The following TSPAN12 variants were observed in gnomAD, a reference collection of about 807,000 sequenced individuals.
TSPAN12 encodes the protein tetraspanin-12.
Under a neutral mutation model 39.2 loss-of-function variants are expected in TSPAN12, and 19 were observed. That is an observed-to-expected ratio of 0.49 (90% confidence interval 0.34 to 0.71). The LOEUF is 0.71. Ranked by LOEUF, TSPAN12 falls within the 30% of genes least tolerant of loss-of-function variation. The probability of loss-of-function intolerance (pLI) is 0.01; values close to 1 mark genes in which losing one functional copy is unlikely to be tolerated. For synonymous variants in TSPAN12, 119 were observed against 124.8 expected (o/e 0.95, Z 0.31); for missense variants, 314 against 359.9 (o/e 0.87, Z 1.03).
At chr7:120,825,652 G>A (rs1450718910) in intron 4 of TSPAN12, among the ~76,000 whole-genome samples, 3 of 151,992 alleles carry the variant, frequency 2.0e-5, no homozygotes, top group Admixed American at 6.6e-5. Context: ...TTCCTTTCCC[G>A]GTGATTGGAG....
At chr7:120,791,881 T>C (rs1793530986) in intron 7 of TSPAN12, among the ~76,000 whole-genome samples, 1 of 152,098 alleles carries the variant, frequency 6.6e-6, no homozygotes. Flanking sequence ...TATTATCTTT[T>C]AAAAACATGG....
chr7:120,818,834 C>T (rs1260033028), intron 4 of TSPAN12, among the ~76,000 whole-genome samples: 1 of 151,934 alleles, frequency 6.6e-6, no homozygotes, highest in Admixed American at 6.6e-5. Flanking sequence ...TATTTCTAGG[C>T]CTTACTTTAA....
intron 3 of TSPAN12, 76 bp downstream of exon 3, chr7:120,839,951 C>G: frequency 8.2e-7 from 1 of 1,218,610 alleles, no homozygotes; most frequent in South Asian, 1.2e-5. Context: ...AGGAAGAGCA[C>G]TACCATATAA....
intron 7 of TSPAN12, among the ~76,000 whole-genome samples, chr7:120,797,081 T>C (rs1793647187): frequency 6.6e-6 from 1 of 152,112 alleles, no homozygotes; most frequent in African/African-American, 2.4e-5. Context: ...GGCGTGAACC[T>C]GAGAGGCGGA....
chr7:120,788,922 ATTACT>A, intron 7 of TSPAN12, 25 bp from the exon 8 acceptor site: 1 of 1,612,584 alleles, frequency 6.2e-7, no homozygotes, highest in Non-Finnish European at 8.5e-7. Context: ...CATGGTCAAC[ATTACT>A]TTAGATATGT....
intron 2 of TSPAN12, among the ~76,000 whole-genome samples, chr7:120,841,223 A>C (rs527364841): frequency 6.6e-6 from 1 of 152,324 alleles, no homozygotes; most frequent in East Asian, 1.9e-4. Context: ...AGCACACAGA[A>C]ATTCCTATGA....
At chr7:120,832,587 T>C (rs1403011579) in intron 4 of TSPAN12, among the ~76,000 whole-genome samples, 1 of 152,140 alleles carries the variant, frequency 6.6e-6, no homozygotes, top group Non-Finnish European at 1.5e-5. Context: ...GAAATCTCCA[T>C]TTGCTCCTGA....
chr7:120,833,052 T>C (rs554692631), intron 4 of TSPAN12, among the ~76,000 whole-genome samples: 2 of 152,242 alleles, frequency 1.3e-5, no homozygotes, highest in African/African-American at 4.8e-5. Context: ...AACTACCAGC[T>C]GTGTATCTTT....
intron 7 of TSPAN12, among the ~76,000 whole-genome samples, chr7:120,796,589 G>A (rs1793635659): frequency 6.6e-6 from 1 of 152,054 alleles, no homozygotes; most frequent in Admixed American, 6.5e-5. Flanking sequence ...AGGGAATTGG[G>A]ATGTAGAAGA....
rs1214052791 is a variant in TSPAN12 at position 120,788,066 on chromosome 7, G to T, written c.*526C>A. The T allele has an allele frequency of 6.1e-6, 1 of 164,684 alleles. No individual in the cohort carries two copies. Among genetic ancestry groups the T allele is most frequent in the African/African-American group, 2.4e-5 (1 of 41,642 alleles). 10.2% of individuals were successfully genotyped at this position (164,684 alleles called of 1,614,324 possible). On this transcript the variant is annotated 3_prime_UTR_variant, in exon 8 of 8. Transcript: ENST00000222747. ...TCTTTTAAGTGGTAAGAATATTTTA[G>T]TAACCAGCAAAAATCACATTTAGGT... is the stretch of plus-strand genomic sequence containing the variant.
In TSPAN12 at chr7:120,806,536, T is replaced by C. The variant is rs1249632188; in HGVS notation, c.612+13A>G. ...ACATTTATCCATAATAAATTAACCATATATGGCCTCACCTCTTGATAAAGG... is the reference window on the plus strand; with the variant it reads ...ACATTTATCCATAATAAATTAACCACATATGGCCTCACCTCTTGATAAAGG... On this transcript the variant is annotated intron_variant, in intron 7 of 7. Transcript: ENST00000222747. 1 of 1,612,796 alleles carries C rather than the reference T, an allele frequency of 6.2e-7. No individual in the cohort carries two copies. The highest frequency in any genetic ancestry group is 1.7e-5 in the Admixed American group (1 of 59,942).
Position 120,813,087 on chromosome 7 carries a change from A to G in TSPAN12, c.361-2517T>C, listed in dbSNP as rs553294315. ...CTGGCACAAATACTGAGGTCTGGTCATAAAGTAACACACAGGTTGATTGGT... is the reference window on the plus strand; with the variant it reads ...CTGGCACAAATACTGAGGTCTGGTCGTAAAGTAACACACAGGTTGATTGGT... On this transcript the variant is annotated intron_variant, in intron 5 of 7. Transcript: ENST00000222747. Among the ~76,000 whole-genome samples, 6 of 152,362 alleles carry G rather than the reference A, an allele frequency of 3.9e-5. No homozygotes were observed. In the East Asian group the frequency reaches 1.2e-3, roughly 29 times the overall value.
intron 4 of TSPAN12, among the ~76,000 whole-genome samples, chr7:120,826,837 C>T: frequency 6.6e-6 from 1 of 152,172 alleles, no homozygotes; most frequent in Middle Eastern, 3.2e-3. Context: ...ATTCTCCTGC[C>T]TCAGCCTCCC....
intron 7 of TSPAN12, among the ~76,000 whole-genome samples, chr7:120,790,351 A>C (rs535835052): frequency 6.6e-6 from 1 of 152,338 alleles, no homozygotes; most frequent in African/African-American, 2.4e-5. Context: ...CTAAAAACAT[A>C]GATGATAATA....
At chr7:120,842,966 A>G in intron 2 of TSPAN12, among the ~76,000 whole-genome samples, 1 of 152,056 alleles carries the variant, frequency 6.6e-6, no homozygotes, top group Non-Finnish European at 1.5e-5. Flanking sequence ...AATAAAATTC[A>G]GATTATAGTA....
intron 5 of TSPAN12, among the ~76,000 whole-genome samples, chr7:120,814,904 G>T (rs1298209322): frequency 6.6e-6 from 1 of 152,132 alleles, no homozygotes; most frequent in Non-Finnish European, 1.5e-5. Context: ...TACTTAAGGT[G>T]GAAAATGATT....
At chr7:120,825,124 T>C (rs537450664) in intron 4 of TSPAN12, among the ~76,000 whole-genome samples, 1 of 152,330 alleles carries the variant, frequency 6.6e-6, no homozygotes, top group Admixed American at 6.5e-5. Flanking sequence ...AAAAGAATTG[T>C]AATGTTTTCC....
chr7:120,832,244 C>A (rs1794403385), intron 4 of TSPAN12, among the ~76,000 whole-genome samples: 1 of 152,096 alleles, frequency 6.6e-6, no homozygotes, highest in Non-Finnish European at 1.5e-5. Flanking sequence ...ACTAACAGGG[C>A]TTTCTATTGT....
intron 2 of TSPAN12, among the ~76,000 whole-genome samples, chr7:120,850,533 A>G (rs528607037): frequency 6.6e-6 from 1 of 152,236 alleles, no homozygotes; most frequent in South Asian, 2.1e-4. Flanking sequence ...ATGAGGGAGG[A>G]GCCTATTGCT....
Sources: gnomAD v4.1 joint callset for allele counts (sites outside exome capture counted in the v4.1 genomes callset) on GRCh38, gnomAD v4.1.1 for gene constraint, MANE v1.5 for transcripts, NCBI Gene and HGNC (gene_info 2026-07-23, HGNC 2026-07-21) for gene names.